Variants in MACROD2 observed in about 807,000 individuals in gnomAD.
The protein encoded by MACROD2 is mono-ADP ribosylhydrolase 2, also known as ADP-ribose glycohydrolase MACROD2.
In MACROD2, 36 loss-of-function variants were observed where a neutral mutation model predicts 70.4. The observed-to-expected ratio is 0.51, with a 90% CI of 0.39 to 0.68. The LOEUF is 0.68. Among genes scored for constraint, MACROD2 ranks in the 30% least tolerant of loss-of-function variants. The pLI is 0.00. For missense variants in MACROD2, 496 were observed against 538.4 expected, an observed-to-expected ratio of 0.92 and a Z score of 0.78; for synonymous variants, 172 against 178.8, an observed-to-expected ratio of 0.96 and a Z score of 0.30.
At chr20:15,120,002 CT>C (rs2076018602) in intron 5 of MACROD2, among the ~76,000 whole-genome samples, 1 of 152,162 alleles carries the variant, frequency 6.6e-6, no homozygotes, top group Admixed American at 6.5e-5. Flanking sequence ...AACAGTTTTG[CT>C]TGTGTATATA....
At chr20:14,428,630 A>G (rs2083961669) in intron 3 of MACROD2, among the ~76,000 whole-genome samples, 1 of 152,160 alleles carries the variant, frequency 6.6e-6, no homozygotes, top group Non-Finnish European at 1.5e-5. Flanking sequence ...AATGTCGGCA[A>G]TAGAGTTGAT....
In MACROD2 at chr20:14,785,173, A is replaced by AC. The variant is rs59616658; in HGVS notation, c.418+100214_418+100215insC. Among the ~76,000 whole-genome samples, 1,422 of 151,066 alleles carry AC rather than the reference A, an allele frequency of 9.4e-3. 27 individuals carry two copies. The highest frequency in any genetic ancestry group is 0.033 in the African/African-American group (1,349 of 40,646). On this transcript the variant is annotated intron_variant, in intron 5 of 17. Coordinates refer to ENST00000684519, the MANE Select transcript of MACROD2 (RefSeq NM_001351661.2). Reference sequence around the variant, plus strand: ...CTGTCAGTCTCTCATGAACACACACAAACACACACACACCCACACACACAC... The same window carrying AC: ...CTGTCAGTCTCTCATGAACACACACACAACACACACACACCCACACACACAC...
chr20:15,584,896 A>G (rs2048576374), intron 8 of MACROD2, among the ~76,000 whole-genome samples: 1 of 152,218 alleles, frequency 6.6e-6, no homozygotes, highest in Non-Finnish European at 1.5e-5. Flanking sequence ...CAGTGACTAT[A>G]ACCTTCATAG....
At chr20:14,353,416 C>T (rs1433238403) in intron 3 of MACROD2, among the ~76,000 whole-genome samples, 1 of 152,030 alleles carries the variant, frequency 6.6e-6, no homozygotes, top group Non-Finnish European at 1.5e-5. Context: ...ATATCTCCTA[C>T]TCCACATGTG....
chr20:14,240,527 A>G (rs2081919708), intron 3 of MACROD2, among the ~76,000 whole-genome samples: 1 of 152,202 alleles, frequency 6.6e-6, no homozygotes, highest in Non-Finnish European at 1.5e-5. Flanking sequence ...GGATGAGATC[A>G]TGTCCTTTGC....
intron 2 of MACROD2, among the ~76,000 whole-genome samples, chr20:14,008,508 A>G (rs1315587643): frequency 6.6e-6 from 1 of 152,230 alleles, no homozygotes; most frequent in African/African-American, 2.4e-5. Flanking sequence ...GCTCATAGAT[A>G]GGAAGAATCA....
chr20:14,819,107 A>G (rs2122201040), intron 5 of MACROD2, among the ~76,000 whole-genome samples: 1 of 151,798 alleles, frequency 6.6e-6, no homozygotes, highest in South Asian at 2.1e-4. Flanking sequence ...TCTACTAAAA[A>G]TACAGAAAAA....
rs918652453 is a variant in MACROD2 at position 14,257,369 on chromosome 20, A to G, written c.271+171641A>G. 3.3e-5 allele frequency among the ~76,000 whole-genome samples: 5 copies of G among 152,286 alleles called. No homozygotes were observed. In the East Asian group the frequency reaches 9.6e-4, roughly 29 times the overall value. On this transcript the variant is annotated intron_variant, in intron 3 of 17. Transcript: ENST00000684519. The stretch of plus-strand genomic sequence containing the variant: ...ATGCAGATTACTTTAAATTTGTTTT[A>G]CCTATTTTTACTCCTTTTAGTTTTT...
chr20:14,919,797 G>T (rs755586852), intron 5 of MACROD2, among the ~76,000 whole-genome samples: 1 of 152,204 alleles, frequency 6.6e-6, no homozygotes, highest in Non-Finnish European at 1.5e-5. Context: ...AAACGTCAAT[G>T]AATGATGAAG....
chr20:14,704,641 AG>A (rs2071246768), intron 5 of MACROD2, among the ~76,000 whole-genome samples: 1 of 152,068 alleles, frequency 6.6e-6, no homozygotes, highest in Admixed American at 6.6e-5. Flanking sequence ...TAGCCTTGGA[AG>A]GTTCGTCCTG....
At chr20:15,048,292 C>T (rs181188681) in intron 5 of MACROD2, among the ~76,000 whole-genome samples, 216 of 152,078 alleles carry the variant, frequency 1.4e-3, no homozygotes, top group African/African-American at 4.9e-3. Context: ...AAAACAAACA[C>T]ACAAACAAAC....
intron 5 of MACROD2, among the ~76,000 whole-genome samples, chr20:14,721,541 A>G (rs2071470008): frequency 6.6e-6 from 1 of 152,186 alleles, no homozygotes; most frequent in Non-Finnish European, 1.5e-5. Flanking sequence ...CCTGGCTTAC[A>G]CATGAGAAAT....
chr20:14,491,621 T>C (rs2084796220), intron 3 of MACROD2, among the ~76,000 whole-genome samples: 1 of 152,168 alleles, frequency 6.6e-6, no homozygotes. Context: ...CCCACATCTA[T>C]TGGACAAGTG....
intron 3 of MACROD2, among the ~76,000 whole-genome samples, chr20:14,358,625 T>G (rs2083194424): frequency 6.6e-6 from 1 of 152,048 alleles, no homozygotes; most frequent in East Asian, 2.0e-4. Context: ...TCTGGCTAAT[T>G]TTTTGTATTT....
At chr20:14,071,428 T>C (rs2053840748) in intron 2 of MACROD2, among the ~76,000 whole-genome samples, 1 of 151,646 alleles carries the variant, frequency 6.6e-6, no homozygotes. Context: ...GCCCGGCTAA[T>C]TTTTTGTATT....
chr20:15,678,515 A>T (rs548385182), intron 8 of MACROD2, among the ~76,000 whole-genome samples: 1 of 152,102 alleles, frequency 6.6e-6, no homozygotes, highest in Non-Finnish European at 1.5e-5. Context: ...GCCCGCCACC[A>T]TGCCTGGCTA....
chr20:16,039,751 T>C (rs1346728540), intron 15 of MACROD2, among the ~76,000 whole-genome samples: 1 of 151,946 alleles, frequency 6.6e-6, no homozygotes, highest in Non-Finnish European at 1.5e-5. Flanking sequence ...AGGTATTATA[T>C]AGTGTTAACA....
chr20:15,946,259 T>A (rs967276200), intron 12 of MACROD2, among the ~76,000 whole-genome samples: 4 of 152,154 alleles, frequency 2.6e-5, no homozygotes, highest in African/African-American at 9.7e-5. Context: ...CATTTTGTTC[T>A]TTATTCTGTA....
intron 3 of MACROD2, among the ~76,000 whole-genome samples, chr20:14,254,561 G>A (rs2082038009): frequency 6.6e-6 from 1 of 151,882 alleles, no homozygotes; most frequent in Non-Finnish European, 1.5e-5. Flanking sequence ...AGTAAAATAA[G>A]GAGAGTTACC....
Sources: gnomAD v4.1 joint callset for allele counts (sites outside exome capture counted in the v4.1 genomes callset) on GRCh38, gnomAD v4.1.1 for gene constraint, MANE v1.5 for transcripts, NCBI Gene and HGNC (gene_info 2026-07-23, HGNC 2026-07-21) for gene names.